DOK5: variants seen among roughly 807,000 people sequenced by gnomAD.
DOK5 encodes the protein docking protein 5, also known as downstream of tyrosine kinase 5.
A neutral mutation model predicts 43.3 loss-of-function variants in DOK5; 27 were observed. That is an observed-to-expected ratio of 0.62 (90% CI 0.46 to 0.86). DOK5 has a LOEUF of 0.86. Ranked by LOEUF, DOK5 falls within the 40% of genes least tolerant of loss-of-function variation. The pLI, the probability that DOK5 is intolerant of heterozygous loss-of-function variation, is 0.00. For synonymous variants in DOK5, 146 were observed against 140.1 expected, an observed-to-expected ratio of 1.04 and a Z score of -0.30; for missense variants, 373 against 392.9, an observed-to-expected ratio of 0.95 and a Z score of 0.43.
chr20:54,628,036 A>G (rs1978378864), intron 6 of DOK5, among the ~76,000 whole-genome samples: 1 of 152,222 alleles, frequency 6.6e-6, no homozygotes. Context: ...CTGATCAGTA[A>G]TCACATCCTG....
At chr20:54,648,825 A>G (rs1467612723) in intron 7 of DOK5, among the ~76,000 whole-genome samples, 11 of 152,192 alleles carry the variant, frequency 7.2e-5, no homozygotes, top group Admixed American at 7.2e-4. Context: ...GCCGTTGCAC[A>G]TGAGCACCGG....
intron 1 of DOK5, among the ~76,000 whole-genome samples, chr20:54,531,793 C>A (rs976201282): frequency 2.0e-5 from 3 of 152,146 alleles, no homozygotes; most frequent in African/African-American, 7.2e-5. Flanking sequence ...CTTCATTTTA[C>A]TTGGAAACTG....
chr20:54,522,842 G>A (rs879410063), intron 1 of DOK5, among the ~76,000 whole-genome samples: 4 of 152,054 alleles, frequency 2.6e-5, no homozygotes, highest in Non-Finnish European at 5.9e-5. Context: ...GAGCTTTCTG[G>A]TTGGATTTTT....
chr20:54,481,947 C>T (rs952779760), intron 1 of DOK5, among the ~76,000 whole-genome samples: 1 of 152,226 alleles, frequency 6.6e-6, no homozygotes, highest in African/African-American at 2.4e-5. Context: ...AGGGCTCTCA[C>T]TCCTACTTCC....
intron 7 of DOK5, among the ~76,000 whole-genome samples, chr20:54,645,003 T>TC (rs1388015686): frequency 1.4e-5 from 1 of 73,808 alleles, no homozygotes; most frequent in African/African-American, 1.5e-4. Context: ...AACTCTTTTT[T>TC]TTTTTTTTTT....
At chr20:54,550,089 G>T (rs1984473313) in intron 1 of DOK5, among the ~76,000 whole-genome samples, 1 of 149,684 alleles carries the variant, frequency 6.7e-6, no homozygotes, top group South Asian at 2.2e-4. Context: ...ACCTGAAAAG[G>T]ATTTTGTGCT....
intron 2 of DOK5, among the ~76,000 whole-genome samples, chr20:54,572,397 C>T (rs1300541497): frequency 2.6e-5 from 4 of 152,040 alleles, no homozygotes; most frequent in African/African-American, 4.8e-5. Context: ...CTCCTGACCT[C>T]GTGATCAGCC....
At chr20:54,585,548 T>G (rs1292455348) in intron 2 of DOK5, among the ~76,000 whole-genome samples, 1 of 152,168 alleles carries the variant, frequency 6.6e-6, no homozygotes, top group African/African-American at 2.4e-5. Context: ...GTGCTCTACC[T>G]CCACCTCAAT....
chr20:54,560,852 C>G (rs1984879341), intron 2 of DOK5, among the ~76,000 whole-genome samples: 1 of 152,154 alleles, frequency 6.6e-6, no homozygotes, highest in Non-Finnish European at 1.5e-5. Context: ...GAACTCCTGA[C>G]CTCAAGTGAT....
At chr20:54,496,710 G>A (rs1010628363) in intron 1 of DOK5, among the ~76,000 whole-genome samples, 6 of 145,558 alleles carry the variant, frequency 4.1e-5, no homozygotes, top group Non-Finnish European at 8.9e-5. Context: ...AGCTTGCAGT[G>A]AGCCGAGATC....
chr20:54,527,363 T>C (rs1983612299), intron 1 of DOK5, among the ~76,000 whole-genome samples: 2 of 152,234 alleles, frequency 1.3e-5, no homozygotes, highest in African/African-American at 4.8e-5. Flanking sequence ...TAGGATTTTA[T>C]GAAGCTTCCT....
At chr20:54,646,479 C>G (rs1979435947) in intron 7 of DOK5, among the ~76,000 whole-genome samples, 1 of 152,042 alleles carries the variant, frequency 6.6e-6, no homozygotes, top group African/African-American at 2.4e-5. Flanking sequence ...TCTCAAACTT[C>G]TGAGCTCAAG....
At chr20:54,581,509 A>G (rs1023537607) in intron 2 of DOK5, among the ~76,000 whole-genome samples, 2 of 151,696 alleles carry the variant, frequency 1.3e-5, no homozygotes, top group African/African-American at 4.8e-5. Flanking sequence ...TAAGTCTTTC[A>G]ATCTATGAAA....
At chr20:54,524,879 T>G (rs1416082207) in intron 1 of DOK5, among the ~76,000 whole-genome samples, 1 of 152,194 alleles carries the variant, frequency 6.6e-6, no homozygotes, top group African/African-American at 2.4e-5. Context: ...AAAAGGGGGA[T>G]GGAAAAGGTT....
At chr20:54,489,639 C>A (rs1271007255) in intron 1 of DOK5, among the ~76,000 whole-genome samples, 3 of 151,160 alleles carry the variant, frequency 2.0e-5, no homozygotes, top group Non-Finnish European at 4.4e-5. Flanking sequence ...TATTTTATGC[C>A]CATTTTACAA....
chr20:54,527,632 G>A (rs1368962481), intron 1 of DOK5, among the ~76,000 whole-genome samples: 2 of 152,168 alleles, frequency 1.3e-5, no homozygotes, highest in Non-Finnish European at 2.9e-5. Flanking sequence ...TACTTCCCTG[G>A]GAAGGTGGAA....
intron 1 of DOK5, among the ~76,000 whole-genome samples, chr20:54,490,212 A>G (rs1171242504): frequency 6.6e-6 from 1 of 152,226 alleles, no homozygotes; most frequent in African/African-American, 2.4e-5. Flanking sequence ...GAAATGGCTC[A>G]ATGGAAATCT....
At chr20:54,628,477 TGCAGCAAATCCA>T (rs1201381508) in intron 6 of DOK5, among the ~76,000 whole-genome samples, 1 of 112,098 alleles carries the variant, frequency 8.9e-6, no homozygotes, top group Non-Finnish European at 1.8e-5. Context: ...CAAAGAGGAA[TGCAGCAAATCCA>T]GCAGATGGAG....
chr20:54,528,058 G>A (rs1260300173), intron 1 of DOK5, among the ~76,000 whole-genome samples: 1 of 151,978 alleles, frequency 6.6e-6, no homozygotes, highest in Non-Finnish European at 1.5e-5. Flanking sequence ...AATACAAAAA[G>A]TTAGTTGGGC....
Sources: allele counts gnomAD v4.1 joint callset (sites outside exome capture counted in the v4.1 genomes callset), GRCh38; gene constraint gnomAD v4.1.1; transcripts MANE v1.5; gene names NCBI Gene and HGNC (gene_info 2026-07-23, HGNC 2026-07-21).